SGCZ: variants seen among roughly 807,000 people sequenced by gnomAD.
SGCZ encodes zeta-sarcoglycan.
In SGCZ, 40 loss-of-function variants were observed where a neutral mutation model predicts 41.3. The observed-to-expected ratio is 0.97, with a 90% confidence interval of 0.75 to 1.26. SGCZ has a LOEUF of 1.26. SGCZ is among the 50% of genes most tolerant of loss of function. The pLI is 0.00. For missense variants in SGCZ, 552 were observed against 369.8 expected, an observed-to-expected ratio of 1.49 and a Z score of -4.04; for synonymous variants, 206 against 137.5, an observed-to-expected ratio of 1.50 and a Z score of -3.49.
intron 1 of SGCZ, among the ~76,000 whole-genome samples, chr8:14,964,342 A>G (rs535478152): frequency 2.6e-5 from 4 of 152,328 alleles, no homozygotes; most frequent in South Asian, 4.1e-4. Context: ...ACTATTCCTC[A>G]TGTCTTATTT....
chr8:14,645,724 A>C (rs1807192280), intron 1 of SGCZ, among the ~76,000 whole-genome samples: 1 of 150,290 alleles, frequency 6.7e-6, no homozygotes, highest in South Asian at 2.1e-4. Context: ...ACACACACAC[A>C]TTCTGTTTTA....
intron 1 of SGCZ, among the ~76,000 whole-genome samples, chr8:14,651,301 T>G (rs1807391189): frequency 1.3e-5 from 2 of 152,232 alleles, no homozygotes; most frequent in East Asian, 1.9e-4. Flanking sequence ...ATGAAAATAT[T>G]TTTAACATAT....
At chr8:14,479,284 C>A (rs1801453291) in intron 2 of SGCZ, among the ~76,000 whole-genome samples, 1 of 19,686 alleles carries the variant, frequency 5.1e-5, no homozygotes, top group African/African-American at 6.0e-5. Context: ...AACTTGCAGT[C>A]TAACGTTCAA....
intron 4 of SGCZ, among the ~76,000 whole-genome samples, chr8:14,226,949 T>C (rs1806393178): frequency 6.6e-6 from 1 of 152,144 alleles, no homozygotes; most frequent in Admixed American, 6.6e-5. Flanking sequence ...GTATGGTCAA[T>C]TTCTTAATGT....
intron 1 of SGCZ, among the ~76,000 whole-genome samples, chr8:14,768,493 C>T (rs986784416): frequency 1.3e-5 from 2 of 152,186 alleles, no homozygotes; most frequent in African/African-American, 2.4e-5. Flanking sequence ...TAAAATATTT[C>T]TCCAAACATA....
At chr8:14,778,086 G>C (rs536690129) in intron 1 of SGCZ, among the ~76,000 whole-genome samples, 3 of 151,996 alleles carry the variant, frequency 2.0e-5, no homozygotes, top group East Asian at 3.9e-4. Flanking sequence ...ATCATGCCTG[G>C]CTAATAATTT....
chr8:14,821,142 G>T (rs1467788203), intron 1 of SGCZ, among the ~76,000 whole-genome samples: 1 of 151,908 alleles, frequency 6.6e-6, no homozygotes, highest in Non-Finnish European at 1.5e-5. Context: ...TGTTAAAACT[G>T]ATGTCACAGA....
At chr8:14,944,785 G>C (rs1197647905) in intron 1 of SGCZ, among the ~76,000 whole-genome samples, 1 of 152,042 alleles carries the variant, frequency 6.6e-6, no homozygotes, top group Admixed American at 6.6e-5. Flanking sequence ...ATTGAGACTT[G>C]ACCCCATTTT....
At chr8:14,997,258 G>A (rs1030575529) in intron 1 of SGCZ, among the ~76,000 whole-genome samples, 1 of 152,130 alleles carries the variant, frequency 6.6e-6, no homozygotes, top group Non-Finnish European at 1.5e-5. Context: ...TATTAGGATT[G>A]TAATCAATTA....
At chr8:14,854,614 A>G (rs947403515) in intron 1 of SGCZ, among the ~76,000 whole-genome samples, 1 of 152,198 alleles carries the variant, frequency 6.6e-6, no homozygotes, top group African/African-American at 2.4e-5. Context: ...TATTGCAAAT[A>G]TAAGATATTT....
chr8:14,154,295 G>C (rs1803810092), intron 5 of SGCZ, among the ~76,000 whole-genome samples: 1 of 152,152 alleles, frequency 6.6e-6, no homozygotes, highest in Non-Finnish European at 1.5e-5. Context: ...CATGAACCCA[G>C]GAGGCAGAGG....
At chr8:15,170,342 G>A (rs1799790211) in intron 1 of SGCZ, among the ~76,000 whole-genome samples, 1 of 152,114 alleles carries the variant, frequency 6.6e-6, no homozygotes, top group African/African-American at 2.4e-5. Context: ...ACCTCACTGA[G>A]CACTTCCTCT....
chr8:14,420,757 G>C (rs569854668), intron 2 of SGCZ, among the ~76,000 whole-genome samples: 13 of 152,208 alleles, frequency 8.5e-5, no homozygotes, highest in Middle Eastern at 3.4e-3. Context: ...GAGTATGTTT[G>C]TGCCAGGTCA....
chr8:14,553,066 G>T (rs1398550992), intron 2 of SGCZ, among the ~76,000 whole-genome samples: 1 of 151,960 alleles, frequency 6.6e-6, no homozygotes, highest in Non-Finnish European at 1.5e-5. Flanking sequence ...CTGATAGTCT[G>T]GTTGCTATTT....
intron 5 of SGCZ, among the ~76,000 whole-genome samples, chr8:14,135,551 T>C (rs1038883556): frequency 6.6e-6 from 1 of 151,924 alleles, no homozygotes; most frequent in African/African-American, 2.4e-5. Context: ...GAAGAAAATG[T>C]AGAAAAAAAT....
At chr8:14,873,390 G>A (rs966993041) in intron 1 of SGCZ, among the ~76,000 whole-genome samples, 1 of 151,994 alleles carries the variant, frequency 6.6e-6, no homozygotes, top group Admixed American at 6.6e-5. Context: ...TGGAATTATA[G>A]ATTGCCTCTG....
chr8:14,967,762 T>G (rs1801167855), intron 1 of SGCZ, among the ~76,000 whole-genome samples: 1 of 152,094 alleles, frequency 6.6e-6, no homozygotes, highest in Non-Finnish European at 1.5e-5. Flanking sequence ...TTATTTCCAT[T>G]TACTAGAACA....
intron 3 of SGCZ, among the ~76,000 whole-genome samples, chr8:14,298,460 A>G (rs1196241024): frequency 6.6e-6 from 1 of 152,028 alleles, no homozygotes; most frequent in Non-Finnish European, 1.5e-5. Flanking sequence ...TCCCAACACT[A>G]CAATTAGAAA....
chr8:14,712,134 A>C (rs1472907464), intron 1 of SGCZ, among the ~76,000 whole-genome samples: 2 of 152,190 alleles, frequency 1.3e-5, no homozygotes, highest in Admixed American at 6.5e-5. Flanking sequence ...TTAGCCAATC[A>C]GAAACTTCCA....
Sources: allele counts gnomAD v4.1 joint callset (sites outside exome capture counted in the v4.1 genomes callset), GRCh38; gene constraint gnomAD v4.1.1; transcripts MANE v1.5; gene names NCBI Gene and HGNC (gene_info 2026-07-23, HGNC 2026-07-21).